The following KHDRBS2 variants were observed in gnomAD, a reference collection of about 807,000 sequenced individuals.
The protein encoded by KHDRBS2 is KH RNA binding domain containing, signal transduction associated 2.
In KHDRBS2, 26 loss-of-function variants were observed where a neutral mutation model predicts 44.3. That is an observed-to-expected ratio of 0.59 (90% CI 0.43 to 0.81). The LOEUF is 0.81. Among genes scored for constraint, KHDRBS2 ranks in the 40% least tolerant of loss-of-function variants. KHDRBS2 has a pLI of 0.00. For missense variants in KHDRBS2, 476 were observed against 433.1 expected, an observed-to-expected ratio of 1.10 and a Z score of -0.88; for synonymous variants, 194 against 151.1, an observed-to-expected ratio of 1.28 and a Z score of -2.08.
At chr6:61,619,560 T>G in the KHDRBS2 span, among the ~76,000 whole-genome samples, 2 of 152,206 alleles carry the variant, frequency 1.3e-5, no homozygotes, top group South Asian at 4.1e-4. Flanking sequence ...ATTCTAGTGA[T>G]TCTCCTGCCT....
intron 2 of KHDRBS2, among the ~76,000 whole-genome samples, chr6:62,172,317 C>T (rs1474710094): frequency 1.3e-5 from 2 of 151,812 alleles, no homozygotes; most frequent in Admixed American, 6.6e-5. Flanking sequence ...TTTAAGCAAA[C>T]AAAAATCAAA....
intron 4 of KHDRBS2, among the ~76,000 whole-genome samples, chr6:61,927,954 A>T (rs1809281316): frequency 6.6e-6 from 1 of 152,168 alleles, no homozygotes; most frequent in Non-Finnish European, 1.5e-5. Context: ...AGAGATTGAT[A>T]CAGTGACCTC....
chr6:61,850,431 A>T (rs556815431), intron 6 of KHDRBS2, among the ~76,000 whole-genome samples: 1 of 152,284 alleles, frequency 6.6e-6, no homozygotes, highest in Non-Finnish European at 1.5e-5. Flanking sequence ...ATTATAAGCA[A>T]ATAATTAGCA....
chr6:61,719,054 C>G (rs1362774277), intron 7 of KHDRBS2, among the ~76,000 whole-genome samples: 3 of 152,150 alleles, frequency 2.0e-5, no homozygotes, highest in African/African-American at 7.2e-5. Flanking sequence ...CTTTGCTCTC[C>G]TAGTACATTC....
At chr6:62,198,376 A>C (rs1292933836) in intron 1 of KHDRBS2, among the ~76,000 whole-genome samples, 1 of 152,198 alleles carries the variant, frequency 6.6e-6, no homozygotes, top group Non-Finnish European at 1.5e-5. Context: ...AGAATCAAAT[A>C]GACACAATAA....
the KHDRBS2 span, chr6:61,574,406 A>C: frequency 2.0e-6 from 3 of 1,522,420 alleles, no homozygotes; most frequent in East Asian, 4.9e-5. Context: ...GACATAATAC[A>C]ACAAGACGAG....
At chr6:61,677,537 A>C (rs1382633385), downstream of KHDRBS2, among the ~76,000 whole-genome samples, 1 of 151,960 alleles carries the variant, frequency 6.6e-6, no homozygotes, top group Non-Finnish European at 1.5e-5. Flanking sequence ...AGGGGCAGTT[A>C]GTAATGATAA....
chr6:61,689,351 T>C (rs1399171502), intron 8 of KHDRBS2, among the ~76,000 whole-genome samples: 1 of 151,972 alleles, frequency 6.6e-6, no homozygotes, highest in African/African-American at 2.4e-5. Flanking sequence ...TTATTAAACT[T>C]GATAAGACCG....
At chr6:62,000,113 A>AATTGTGTG (rs1777965823) in intron 3 of KHDRBS2, among the ~76,000 whole-genome samples, 1 of 152,024 alleles carries the variant, frequency 6.6e-6, no homozygotes, top group African/African-American at 2.4e-5. Flanking sequence ...AGACTACCAC[A>AATTGTGTG]ATTGTGTGAG....
At chr6:62,103,233 G>A (rs1361984050) in intron 2 of KHDRBS2, among the ~76,000 whole-genome samples, 3 of 152,120 alleles carry the variant, frequency 2.0e-5, no homozygotes, top group Non-Finnish European at 2.9e-5. Flanking sequence ...CCAAGGACCT[G>A]TCCCCTCCCA....
intron 2 of KHDRBS2, among the ~76,000 whole-genome samples, chr6:62,059,220 T>TTTTG: frequency 7.8e-6 from 1 of 128,026 alleles, no homozygotes; most frequent in Non-Finnish European, 1.6e-5. Flanking sequence ...TTTTTTTTTT[T>TTTTG]TTTTTTTTTT....
the KHDRBS2 span, among the ~76,000 whole-genome samples, chr6:61,561,036 G>A: frequency 1.3e-5 from 2 of 152,060 alleles, no homozygotes; most frequent in Non-Finnish European, 2.9e-5. Flanking sequence ...ATCTGTATTA[G>A]GTAGGCACCC....
At chr6:62,102,424 C>G (rs538092220) in intron 2 of KHDRBS2, among the ~76,000 whole-genome samples, 1 of 152,148 alleles carries the variant, frequency 6.6e-6, no homozygotes. Context: ...CTCAGAGACA[C>G]CAGGGATTGC....
intron 2 of KHDRBS2, among the ~76,000 whole-genome samples, chr6:62,152,901 G>A (rs1301481582): frequency 1.3e-5 from 2 of 152,174 alleles, no homozygotes; most frequent in African/African-American, 4.8e-5. Flanking sequence ...GCCTGTTACA[G>A]GCTCTTCAAA....
chr6:62,060,943 G>A (rs1274289370), intron 2 of KHDRBS2, among the ~76,000 whole-genome samples: 6 of 151,720 alleles, frequency 4.0e-5, no homozygotes, highest in Non-Finnish European at 7.4e-5. Flanking sequence ...AATGATCCAT[G>A]TTTTGATCTT....
intron 3 of KHDRBS2, among the ~76,000 whole-genome samples, chr6:61,991,941 T>C (rs1776216209): frequency 6.6e-6 from 1 of 152,182 alleles, no homozygotes. Flanking sequence ...CAATGTCATA[T>C]GGAATGTTTT....
At chr6:62,067,879 A>ATAC (rs1794115531) in intron 2 of KHDRBS2, among the ~76,000 whole-genome samples, 1 of 151,590 alleles carries the variant, frequency 6.6e-6, no homozygotes, top group Admixed American at 6.6e-5. Context: ...AGGTTCATAC[A>ATAC]TGTGTTGGAA....
chr6:61,591,396 TA>T, the KHDRBS2 span, among the ~76,000 whole-genome samples: 1 of 151,986 alleles, frequency 6.6e-6, no homozygotes, highest in Non-Finnish European at 1.5e-5. Flanking sequence ...TTCCAAAATA[TA>T]AAAAGCAAAC....
chr6:61,659,435 T>C, the KHDRBS2 span, among the ~76,000 whole-genome samples: 4 of 151,798 alleles, frequency 2.6e-5, no homozygotes, highest in Admixed American at 1.3e-4. Context: ...TTAGGGCTCA[T>C]AGTTAAAGCA....
Sources: allele counts gnomAD v4.1 joint callset (sites outside exome capture counted in the v4.1 genomes callset), GRCh38; gene constraint gnomAD v4.1.1; transcripts MANE v1.5; gene names NCBI Gene and HGNC (gene_info 2026-07-23, HGNC 2026-07-21).